Variants in RAPGEF6 observed in about 807,000 individuals in gnomAD.
RAPGEF6 encodes PDZ domain containing guanine nucleotide exchange factor (GEF) 2.
Under a neutral mutation model 171.4 loss-of-function variants are expected in RAPGEF6, and 56 were observed. The ratio of observed to expected loss-of-function variants is 0.33; its 90% confidence interval spans 0.26 to 0.41. RAPGEF6 has a LOEUF of 0.41. Ranked by LOEUF, RAPGEF6 falls within the 10% of genes least tolerant of loss-of-function variation. The probability of loss-of-function intolerance (pLI) is 1.00; values close to 1 mark genes in which losing one functional copy is unlikely to be tolerated. For synonymous variants in RAPGEF6, 692 were observed against 650.1 expected (o/e 1.06, Z -0.98); for missense variants, 1,674 against 1,921.4 (o/e 0.87, Z 2.41).
chr5:131,439,931 C>A, intron 23 of RAPGEF6: 1 of 787,828 alleles, frequency 1.3e-6, no homozygotes, highest in Non-Finnish European at 1.9e-6. Context: ...CAGCATGGAC[C>A]AGATTATATT....
chr5:131,478,740 T>A (rs1755273159), intron 16 of RAPGEF6, among the ~76,000 whole-genome samples: 1 of 152,194 alleles, frequency 6.6e-6, no homozygotes, highest in Non-Finnish European at 1.5e-5. Context: ...GTAAGGACCA[T>A]CCCTTTTTGT....
At position 131,502,838 on chromosome 5, in the gene RAPGEF6, G is replaced by A. The variant is rs147802612; in HGVS notation, c.1254+1788C>T. On this transcript the variant is annotated intron_variant, in intron 11 of 27. Transcript: ENST00000509018. ...TTTTGAGACGGAGTCTCACTCTGTCGCCCAGGCTGGAGTGCAATGGTGTGA... is the reference window on the plus strand; with the variant it reads ...TTTTGAGACGGAGTCTCACTCTGTCACCCAGGCTGGAGTGCAATGGTGTGA... Among the ~76,000 whole-genome samples the A allele has an allele frequency of 4.7e-3, 710 of 152,256 alleles. 5 individuals carry two copies. The highest frequency in any genetic ancestry group is 0.015 in the African/African-American group (642 of 41,540).
intron 1 of RAPGEF6, among the ~76,000 whole-genome samples, chr5:131,608,999 C>A (rs1216913276): frequency 6.6e-6 from 1 of 152,104 alleles, no homozygotes; most frequent in East Asian, 1.9e-4. Flanking sequence ...CTTTGCTGCC[C>A]AGGCTGGTCT....
intron 3 of RAPGEF6, among the ~76,000 whole-genome samples, chr5:131,598,438 C>T (rs1253493148): frequency 6.6e-6 from 1 of 152,128 alleles, no homozygotes; most frequent in African/African-American, 2.4e-5. Context: ...GATATCAAAT[C>T]AGGGTATCAT....
intron 4 of RAPGEF6, among the ~76,000 whole-genome samples, chr5:131,584,912 G>T (rs932284947): frequency 1.3e-5 from 2 of 152,162 alleles, no homozygotes; most frequent in Non-Finnish European, 2.9e-5. Context: ...AATTGGTTTT[G>T]TCTGTACAGG....
At position 131,437,880 on chromosome 5, in the gene RAPGEF6, ATAT is replaced by A. The variant is rs1043945370; in HGVS notation, c.3745+1698_3745+1700del. Among the ~76,000 whole-genome samples, 37 of 152,278 alleles carry A rather than the reference ATAT, an allele frequency of 2.4e-4. 1 individual carries two copies. Among genetic ancestry groups the A allele is most frequent in the Middle Eastern group, 6.8e-3 (2 of 294 alleles). On this transcript the variant is annotated intron_variant, in intron 24 of 27. Transcript: ENST00000509018. ...ACTTACCACACATGAGGCTTTATAA[ATAT>A]TATTTCATTTAAACCACATAAGAGG...
chr5:131,470,320 C>T (rs918265132), intron 17 of RAPGEF6, among the ~76,000 whole-genome samples: 1 of 152,142 alleles, frequency 6.6e-6, no homozygotes, highest in Non-Finnish European at 1.5e-5. Context: ...ATTATGTAAT[C>T]AACTTGAAAT....
chr5:131,439,227 C>T (rs894621349), intron 24 of RAPGEF6, among the ~76,000 whole-genome samples: 1 of 152,170 alleles, frequency 6.6e-6, no homozygotes, highest in African/African-American at 2.4e-5. Flanking sequence ...TAAAAAGAAT[C>T]TCTTACAGAA....
At chr5:131,472,230 T>A (rs1561490869) in intron 17 of RAPGEF6, 1 of 325,858 alleles carries the variant, frequency 3.1e-6, no homozygotes. Flanking sequence ...CACCATCACG[T>A]CTGGCTAATT....
chr5:131,546,169 A>G (rs1304165500), intron 6 of RAPGEF6, among the ~76,000 whole-genome samples: 2 of 152,248 alleles, frequency 1.3e-5, no homozygotes, highest in South Asian at 2.1e-4. Flanking sequence ...ATGAGCAAGC[A>G]GTCAAAACAC....
At chr5:131,554,476 A>G (rs1434303940) in intron 5 of RAPGEF6, among the ~76,000 whole-genome samples, 1 of 152,218 alleles carries the variant, frequency 6.6e-6, no homozygotes, top group Non-Finnish European at 1.5e-5. Context: ...TACTAGCATT[A>G]AATTCTTATC....
intron 6 of RAPGEF6, among the ~76,000 whole-genome samples, chr5:131,524,681 T>A (rs941540962): frequency 6.6e-6 from 1 of 151,642 alleles, no homozygotes; most frequent in Non-Finnish European, 1.5e-5. Flanking sequence ...AGCGGCGCAA[T>A]CTCGGCTCAC....
intron 4 of RAPGEF6, among the ~76,000 whole-genome samples, chr5:131,573,437 A>G (rs1435344895): frequency 6.6e-6 from 1 of 152,034 alleles, no homozygotes; most frequent in African/African-American, 2.4e-5. Context: ...TATCTAACTC[A>G]GTCCTACAAT....
chr5:131,564,797 CAG>C (rs1213600337), intron 4 of RAPGEF6, among the ~76,000 whole-genome samples: 3 of 152,096 alleles, frequency 2.0e-5, no homozygotes, highest in Admixed American at 6.6e-5. Flanking sequence ...ACGAACACAA[CAG>C]AGAGATATAA....
intron 8 of RAPGEF6, among the ~76,000 whole-genome samples, chr5:131,508,416 A>G (rs1223372675): frequency 6.6e-6 from 1 of 152,220 alleles, no homozygotes; most frequent in East Asian, 1.9e-4. Flanking sequence ...AAACCTGGGC[A>G]TATTGGAAGA....
intron 15 of RAPGEF6, among the ~76,000 whole-genome samples, chr5:131,480,303 T>C: frequency 6.6e-6 from 1 of 152,064 alleles, no homozygotes; most frequent in East Asian, 1.9e-4. Context: ...CAAATTTGGG[T>C]GTACATGGGG....
chr5:131,435,835 A>G lies in RAPGEF6; in HGVS notation c.3746-2177T>C, dbSNP rs949098413. 3.5e-6 allele frequency: 5 copies of G among 1,419,094 alleles called. No homozygotes were observed. In the African/African-American group the frequency reaches 5.8e-5, roughly 16 times the overall value. 87.9% of individuals were successfully genotyped at this position (1,419,094 alleles called of 1,614,324 possible). A position where few individuals can be genotyped will look rare whatever the true frequency, so the allele number is the denominator to read the frequency against. Reference sequence around the variant, plus strand: ...ACAAATGAGGCATTTTCAAGTGTTTATAAATAGTATTTTACTAAGTTGTCT... The same window carrying G: ...ACAAATGAGGCATTTTCAAGTGTTTGTAAATAGTATTTTACTAAGTTGTCT... On this transcript the variant is annotated intron_variant, in intron 24 of 27. Coordinates refer to ENST00000509018, the MANE Select transcript of RAPGEF6 (RefSeq NM_016340.6).
chr5:131,633,688 G>A (rs960455384), intron 1 of RAPGEF6, among the ~76,000 whole-genome samples: 1 of 152,050 alleles, frequency 6.6e-6, no homozygotes, highest in East Asian at 1.9e-4. Flanking sequence ...CCAATATCGC[G>A]CCATTGCACT....
chr5:131,576,542 G>C (rs1009958745), intron 4 of RAPGEF6, among the ~76,000 whole-genome samples: 1 of 152,156 alleles, frequency 6.6e-6, no homozygotes, highest in African/African-American at 2.4e-5. Context: ...ACTGCCCAAG[G>C]AAGCCGGAGT....
Sources: allele counts gnomAD v4.1 joint callset (sites outside exome capture counted in the v4.1 genomes callset), GRCh38; gene constraint gnomAD v4.1.1; transcripts MANE v1.5; gene names NCBI Gene and HGNC (gene_info 2026-07-23, HGNC 2026-07-21).